The following DTL variants were observed in gnomAD, a reference collection of about 807,000 sequenced individuals.
The protein encoded by DTL is denticleless E3 ubiquitin protein ligase adapter.
A neutral mutation model predicts 87.0 loss-of-function variants in DTL; 46 were observed. The ratio of observed to expected loss-of-function variants is 0.53; its 90% confidence interval spans 0.42 to 0.68. The LOEUF is 0.68. DTL is among the 30% of genes least tolerant of loss of function. The pLI, the probability that DTL is intolerant of heterozygous loss-of-function variation, is 0.00. For missense variants in DTL, 737 were observed against 869.4 expected (o/e 0.85, Z 1.91); for synonymous variants, 308 against 311.2 (o/e 0.99, Z 0.11).
chr1:212,037,389 A>G (rs1469387644), intron 1 of DTL, among the ~76,000 whole-genome samples: 3 of 151,968 alleles, frequency 2.0e-5, no homozygotes, highest in East Asian at 1.9e-4. Flanking sequence ...TTCTTCTTCT[A>G]CCTACTCCTT....
In DTL at chr1:212,078,228, C is replaced by T. The variant is rs746346913; in HGVS notation, c.1091C>T (p.Thr364Met). 1.7e-5 allele frequency: 27 copies of T among 1,612,086 alleles called. No homozygotes were observed. The highest frequency in any genetic ancestry group is 2.7e-5 in the African/African-American group (2 of 74,796). ...TVLLGHSQEV[T>M]SVCWCPSDFT... ...CTCCTGGGTCATTCTCAAGAGGTCA[C>T]GTCTGTGTGCTGGTGTCCATCTGAC... The change falls in exon 12 of 15, where the codon ACG becomes ATG. Residue 364 changes from threonine to methionine, a missense_variant. By Grantham distance (81) the Thr-to-Met change is moderately conservative (BLOSUM62 -1). Transcript: ENST00000366991.
Position 212,066,895 on chromosome 1 carries a change from T to C in DTL, c.713+10T>C. On this transcript the variant is annotated intron_variant, in intron 8 of 14. Transcript: ENST00000366991. ...CAGGAGCTGTGGATGGGTAAGAGTC[T>C]ATTTCTTTTTTCTTCCGACGAGATC... is the stretch of plus-strand genomic sequence containing the variant. 6.2e-7 allele frequency: 1 copy of C among 1,608,986 alleles called. No individual in the cohort carries two copies.
intron 1 of DTL, among the ~76,000 whole-genome samples, chr1:212,042,565 ATAT>A (rs146642277): frequency 0.027 from 4,049 of 152,330 alleles, 78 homozygotes; most frequent in Non-Finnish European, 0.04. Flanking sequence ...CTGCATTGAC[ATAT>A]TATTTTCTTT....
At chr1:212,083,438 T>C (rs1214114142) in intron 13 of DTL, among the ~76,000 whole-genome samples, 1 of 152,102 alleles carries the variant, frequency 6.6e-6, no homozygotes, top group Non-Finnish European at 1.5e-5. Context: ...CAAGGGATAG[T>C]GTAAATGTGG....
At chr1:212,068,067 A>C (rs781563170) in intron 8 of DTL, among the ~76,000 whole-genome samples, 157 bp from the exon 9 acceptor site, 1 of 152,232 alleles carries the variant, frequency 6.6e-6, no homozygotes, top group Admixed American at 6.5e-5. Context: ...AGACAACAGT[A>C]TAAGATACTT....
At chr1:212,068,739 A>G (rs371319229) in intron 10 of DTL, 36 bp downstream of exon 10, 63 of 1,372,166 alleles carry the variant, frequency 4.6e-5, no homozygotes, top group Non-Finnish European at 6.1e-5. Context: ...CTTACCAGGA[A>G]AGCATTATGG....
chr1:212,052,300 A>C (rs1668007401), intron 5 of DTL, among the ~76,000 whole-genome samples: 1 of 151,882 alleles, frequency 6.6e-6, no homozygotes, highest in Non-Finnish European at 1.5e-5. Context: ...TGTATTTGTA[A>C]ATTCCTTTTT....
intron 5 of DTL, among the ~76,000 whole-genome samples, chr1:212,047,677 A>G (rs1667847628): frequency 6.6e-6 from 1 of 152,158 alleles, no homozygotes; most frequent in Non-Finnish European, 1.5e-5. Context: ...CTGGGACTAC[A>G]GGCGCACATC....
At chr1:212,080,466 G>A (rs2102566876) in intron 12 of DTL, 149 bp from the exon 13 acceptor site, 1 of 691,302 alleles carries the variant, frequency 1.4e-6, no homozygotes, top group South Asian at 2.8e-5. Flanking sequence ...AGAAATGGAT[G>A]TACATGATCT....
At chr1:212,050,096 A>G (rs555908333) in intron 5 of DTL, among the ~76,000 whole-genome samples, 1 of 152,116 alleles carries the variant, frequency 6.6e-6, no homozygotes. Context: ...GCTTGAGCCC[A>G]GGAGTTTGCA....
intron 5 of DTL, among the ~76,000 whole-genome samples, chr1:212,055,945 T>G (rs941604692): frequency 6.6e-6 from 1 of 152,230 alleles, no homozygotes. Flanking sequence ...CTCAATCTGC[T>G]GCTACCACCA....
intron 13 of DTL, among the ~76,000 whole-genome samples, chr1:212,087,710 C>A (rs913286776): frequency 6.6e-6 from 1 of 152,152 alleles, no homozygotes; most frequent in Non-Finnish European, 1.5e-5. Flanking sequence ...GGCACACTGA[C>A]CATTCGACTC....
chr1:212,084,350 T>TAAA (rs1655070082), intron 13 of DTL, among the ~76,000 whole-genome samples: 1 of 152,006 alleles, frequency 6.6e-6, no homozygotes, highest in African/African-American at 2.4e-5. Context: ...CATGCCCAGC[T>TAAA]AATTTTTGTA....
At position 212,041,661 on chromosome 1, in the gene DTL, C is replaced by T. The variant is rs553510013; in HGVS notation, c.53-1332C>T. On this transcript the variant is annotated intron_variant, in intron 1 of 14. Transcript: ENST00000366991. ...CTGGGACTACAGGCGCCTGCCACCA[C>T]GCCTGGCTAATTTTTTTTTTATGTA... 1.2e-3 allele frequency among the ~76,000 whole-genome samples: 189 copies of T among 151,974 alleles called. 1 individual carries two copies. The highest frequency in any genetic ancestry group is 3.4e-3 in the Middle Eastern group (1 of 294).
chr1:212,064,093 T>C (rs1015291199), intron 6 of DTL, among the ~76,000 whole-genome samples: 1 of 152,142 alleles, frequency 6.6e-6, no homozygotes, highest in Non-Finnish European at 1.5e-5. Flanking sequence ...GATTTCACCA[T>C]GTTGGCCAGG....
Position 212,035,870 on chromosome 1 carries a change from G to A in DTL, c.-21G>A. 2 of 1,613,954 alleles carry A rather than the reference G, an allele frequency of 1.2e-6. No homozygotes were observed. Among genetic ancestry groups the A allele is most frequent in the Non-Finnish European group, 1.7e-6 (2 of 1,179,860 alleles). On this transcript the variant is annotated 5_prime_UTR_variant, in exon 1 of 15. Coordinates refer to ENST00000366991, the MANE Select transcript of DTL (RefSeq NM_016448.4). ...CATTTCTACGACTTTTCTCTCAGCT[G>A]AGGCTTTTCCTCCGACCCTGATGCT...
intron 8 of DTL, among the ~76,000 whole-genome samples, chr1:212,067,977 T>G (rs1206960752): frequency 6.6e-6 from 1 of 152,198 alleles, no homozygotes; most frequent in East Asian, 1.9e-4. Context: ...TTCCGTTCTC[T>G]TAGAGTAAAC....
intron 14 of DTL, among the ~76,000 whole-genome samples, chr1:212,101,331 A>T (rs1655619617): frequency 6.6e-6 from 1 of 152,186 alleles, no homozygotes; most frequent in Non-Finnish European, 1.5e-5. Flanking sequence ...GCTGTATTTT[A>T]TCTGGCAACT....
intron 13 of DTL, 29 bp from the exon 14 acceptor site, chr1:212,100,223 G>T (rs200694627): frequency 6.8e-7 from 1 of 1,480,540 alleles, no homozygotes; most frequent in East Asian, 2.3e-5. Context: ...TTTCACTTCT[G>T]ATCTTCATGA....
Sources: gnomAD v4.1 joint callset for allele counts (sites outside exome capture counted in the v4.1 genomes callset) on GRCh38, gnomAD v4.1.1 for gene constraint, MANE v1.5 for transcripts, NCBI Gene and HGNC (gene_info 2026-07-23, HGNC 2026-07-21) for gene names.